NTNG1: variants seen among roughly 807,000 people sequenced by gnomAD.
NTNG1 encodes netrin-G1.
A neutral mutation model predicts 54.0 loss-of-function variants in NTNG1; 16 were observed. The observed-to-expected ratio is 0.30, with a 90% CI of 0.20 to 0.45. The LOEUF (loss-of-function observed/expected upper bound fraction) is 0.45, where lower values mean the gene tolerates loss of function less well. NTNG1 is among the 20% of genes least tolerant of loss of function. The pLI is 1.00. For synonymous variants in NTNG1, 255 were observed against 263.1 expected (o/e 0.97, Z 0.30); for missense variants, 530 against 678.7 (o/e 0.78, Z 2.43).
At chr1:107,396,497 A>G (rs1306705676) in intron 4 of NTNG1, among the ~76,000 whole-genome samples, 1 of 152,190 alleles carries the variant, frequency 6.6e-6, no homozygotes, top group Non-Finnish European at 1.5e-5. Context: ...TAAAGAAAAA[A>G]AACTTGACTT....
intron 2 of NTNG1, among the ~76,000 whole-genome samples, chr1:107,201,179 C>A (rs1300340135): frequency 6.6e-6 from 1 of 150,564 alleles, no homozygotes; most frequent in Non-Finnish European, 1.5e-5. Context: ...CTAATTCTCA[C>A]AGATAATGAT....
At chr1:107,265,651 A>C (rs919743208) in intron 2 of NTNG1, among the ~76,000 whole-genome samples, 1 of 152,200 alleles carries the variant, frequency 6.6e-6, no homozygotes, top group Non-Finnish European at 1.5e-5. Context: ...CTGGCTCTAA[A>C]TCAGCTTTCT....
At position 107,480,757 on chromosome 1, in the gene NTNG1, G is replaced by A. The variant is rs753587111; in HGVS notation, c.1537G>A (p.Gly513Ser). Residue 513 changes from glycine (G) to serine (S), a missense_variant, in exon 8 of 8, where the codon GGC (glycine) becomes AGC (serine). By Grantham distance (56) the Gly-to-Ser change is moderately conservative. Around this residue, in one of 2 missense-constraint regions of NTNG1, gnomAD observed 212 missense variants for 213.6 expected, o/e 0.99. Transcript: ENST00000370068. ...EEAGSCGSDS[G>S]QGAPPHGSPA... ...GGCTGGCAGCTGCGGCTCCGACTCT[G>A]GCCAGGGCGCGCCCCCGCACGGCTC... 2.5e-6 allele frequency: 4 copies of A among 1,606,532 alleles called. No individual in the cohort carries two copies. The Admixed American group carries it at 5.0e-5, about 20-fold the overall frequency.
intron 2 of NTNG1, among the ~76,000 whole-genome samples, chr1:107,165,596 T>C (rs1034961649): frequency 6.6e-6 from 1 of 152,196 alleles, no homozygotes; most frequent in East Asian, 1.9e-4. Flanking sequence ...AATGAACCTG[T>C]GTTCTCTATT....
chr1:107,480,218 T>C (rs1678599752), intron 7 of NTNG1, among the ~76,000 whole-genome samples: 2 of 152,100 alleles, frequency 1.3e-5, no homozygotes, highest in Admixed American at 6.6e-5. Context: ...ATACCATTCA[T>C]CTGGCTTCAA....
At chr1:107,364,084 T>G (rs2100963351) in intron 3 of NTNG1, among the ~76,000 whole-genome samples, 1 of 152,298 alleles carries the variant, frequency 6.6e-6, no homozygotes, top group South Asian at 2.1e-4. Flanking sequence ...TACACTTATT[T>G]TATTGAAAAT....
intron 3 of NTNG1, among the ~76,000 whole-genome samples, chr1:107,366,959 A>T (rs1274091978): frequency 6.6e-6 from 1 of 152,114 alleles, no homozygotes; most frequent in Non-Finnish European, 1.5e-5. Context: ...AATATTTATA[A>T]ATTTCTTAAA....
chr1:107,224,346 G>A (rs1418614314), intron 2 of NTNG1, among the ~76,000 whole-genome samples: 2 of 152,116 alleles, frequency 1.3e-5, no homozygotes, highest in Non-Finnish European at 2.9e-5. Context: ...TGAACTGCCC[G>A]AAAATGTTTG....
rs918096446 is a variant in NTNG1 at position 107,469,870 on chromosome 1, GT to G, written c.1391-10730del. The stretch of plus-strand genomic sequence containing the variant: ...GCAGGTACGTACAAGGGCAGAAATA[GT>G]TTTTTTTTTTAATTAGTTTAAATTC... On this transcript the variant is annotated intron_variant, in intron 7 of 7. Transcript: ENST00000370068. Among the ~76,000 whole-genome samples the G allele has an allele frequency of 9.5e-3, 1,413 of 148,122 alleles. 28 individuals carry two copies. Among genetic ancestry groups the G allele is most frequent in the African/African-American group, 0.032 (1,297 of 40,374 alleles).
intron 3 of NTNG1, among the ~76,000 whole-genome samples, chr1:107,337,413 A>G (rs556117103): frequency 4.1e-4 from 62 of 152,048 alleles, no homozygotes; most frequent in Non-Finnish European, 8.1e-4. Context: ...TAGAGTAAGC[A>G]AATTCATAGA....
At chr1:107,246,588 C>G (rs1662219015) in intron 2 of NTNG1, among the ~76,000 whole-genome samples, 1 of 151,948 alleles carries the variant, frequency 6.6e-6, no homozygotes. Context: ...CTCATCTACT[C>G]CTATTTCCTG....
chr1:107,396,093 G>C (rs1457532543), intron 4 of NTNG1, among the ~76,000 whole-genome samples: 1 of 152,144 alleles, frequency 6.6e-6, no homozygotes, highest in Non-Finnish European at 1.5e-5. Flanking sequence ...CAATTCCATG[G>C]ATGGACCAAT....
rs560720634 is a variant in NTNG1 at position 107,479,459 on chromosome 1, C to T, written c.1391-1152C>T. ...AGTGTGTTGAACTCATGTGGCATCC[C>T]TGGGGAAATTTCACCATGACATTTT... On this transcript the variant is annotated intron_variant, in intron 7 of 7. Transcript: ENST00000370068. Among the ~76,000 whole-genome samples the T allele has an allele frequency of 4.0e-5, 6 of 150,824 alleles. No individual in the cohort carries two copies. The East Asian group carries it at 9.7e-4, about 24-fold the overall frequency.
chr1:107,268,231 A>C (rs889455458), intron 2 of NTNG1, among the ~76,000 whole-genome samples: 3 of 151,732 alleles, frequency 2.0e-5, no homozygotes, highest in Non-Finnish European at 4.4e-5. Flanking sequence ...AGATTTGTCT[A>C]TACTGGCTTT....
chr1:107,318,286 G>A (rs926169706), intron 2 of NTNG1, among the ~76,000 whole-genome samples: 1 of 152,034 alleles, frequency 6.6e-6, no homozygotes, highest in African/African-American at 2.4e-5. Context: ...CCACCCACTA[G>A]TCAGTAGCCA....
intron 7 of NTNG1, among the ~76,000 whole-genome samples, chr1:107,480,366 G>C (rs1052544304): frequency 6.6e-6 from 1 of 152,096 alleles, no homozygotes; most frequent in African/African-American, 2.4e-5. Flanking sequence ...AATGGACAAT[G>C]ATAACATCCA....
At chr1:107,314,122 AGGCCAGGTGTGGT>A (rs942592832) in intron 2 of NTNG1, among the ~76,000 whole-genome samples, 37 of 152,250 alleles carry the variant, frequency 2.4e-4, no homozygotes, top group African/African-American at 8.7e-4. Flanking sequence ...TAAAAAATGA[AGGCCAGGTGTGGT>A]GGCTCATGCC....
At chr1:107,475,400 A>C (rs891021572) in intron 7 of NTNG1, among the ~76,000 whole-genome samples, 4 of 152,184 alleles carry the variant, frequency 2.6e-5, no homozygotes, top group African/African-American at 9.6e-5. Context: ...ATGGTTTCTA[A>C]AGTTTCCTGC....
At chr1:107,312,316 T>C (rs191217523) in intron 2 of NTNG1, among the ~76,000 whole-genome samples, 11 of 152,276 alleles carry the variant, frequency 7.2e-5, no homozygotes, top group African/African-American at 2.2e-4. Context: ...GAATTTGGTA[T>C]TACTCTCTGA....
Sources: allele counts gnomAD v4.1 joint callset (sites outside exome capture counted in the v4.1 genomes callset), GRCh38; gene constraint gnomAD v4.1.1; regional missense constraint gnomAD v4.1.1; transcripts MANE v1.5; gene names NCBI Gene and HGNC (gene_info 2026-07-23, HGNC 2026-07-21).